COL10A1: variants seen among roughly 807,000 people sequenced by gnomAD.
COL10A1 encodes the protein collagen type X alpha 1 chain, also known as collagen alpha-1(X) chain.
In COL10A1, 10 loss-of-function variants were observed where a neutral mutation model predicts 18.2. That is an observed-to-expected ratio of 0.55 (90% CI 0.34 to 0.93). The LOEUF is 0.93. Ranked by LOEUF, COL10A1 falls within the 40% of genes least tolerant of loss-of-function variation. COL10A1 has a pLI of 0.02. For missense variants in COL10A1, 897 were observed against 853.5 expected (o/e 1.05, Z -0.64); for synonymous variants, 330 against 316.6 (o/e 1.04, Z -0.45).
upstream of COL10A1, among the ~76,000 whole-genome samples, chr6:116,160,943 G>A (rs372108081): frequency 4.9e-3 from 744 of 151,758 alleles, 12 homozygotes; most frequent in South Asian, 0.038. Flanking sequence ...AACCAACCCA[G>A]ATGTCCAACA....
At chr6:116,122,364 G>A (rs1779156707) in intron 2 of COL10A1, among the ~76,000 whole-genome samples, 1 of 152,144 alleles carries the variant, frequency 6.6e-6, no homozygotes, top group African/African-American at 2.4e-5. Context: ...CCCTCCCAAA[G>A]CTACCCTGTC....
the COL10A1 span, among the ~76,000 whole-genome samples, chr6:116,212,176 C>T: frequency 6.6e-6 from 1 of 152,034 alleles, no homozygotes; most frequent in African/African-American, 2.4e-5. Context: ...TAAAATCTCA[C>T]TGATTTGAAA....
At chr6:116,199,132 C>T in the COL10A1 span, among the ~76,000 whole-genome samples, 4 of 151,974 alleles carry the variant, frequency 2.6e-5, no homozygotes, top group African/African-American at 9.7e-5. Flanking sequence ...GGAGCTAAAT[C>T]ACCCTCAGTC....
At chr6:116,175,108 A>G in the COL10A1 span, among the ~76,000 whole-genome samples, 4 of 152,174 alleles carry the variant, frequency 2.6e-5, no homozygotes, top group African/African-American at 9.7e-5. Flanking sequence ...TATAATTTAT[A>G]TACAATAAAA....
At chr6:116,188,299 A>C in the COL10A1 span, among the ~76,000 whole-genome samples, 1 of 152,068 alleles carries the variant, frequency 6.6e-6, no homozygotes, top group African/African-American at 2.4e-5. Flanking sequence ...TATAAAGTTG[A>C]AAGTGAGCAT....
chr6:116,138,564 C>T lies in COL10A1; in HGVS notation c.-15-13057G>A, dbSNP rs543525173. On this transcript the variant is annotated intron_variant, in intron 1 of 1. Coordinates refer to the COL10A1 transcript ENST00000418500. The stretch of plus-strand genomic sequence containing the variant: ...GAAGCTAATTGAAAAGCAAATAGTG[C>T]GAATGTCGATATATTTGTTTTTATT... 4.6e-5 allele frequency among the ~76,000 whole-genome samples: 7 copies of T among 151,940 alleles called. No individual in the cohort carries two copies. The South Asian group carries it at 8.3e-4, about 18-fold the overall frequency.
At chr6:116,135,900 G>A (rs1010213750) in intron 1 of COL10A1, among the ~76,000 whole-genome samples, 1 of 130,888 alleles carries the variant, frequency 7.6e-6, no homozygotes, top group African/African-American at 2.9e-5. Flanking sequence ...TTGCTAAATG[G>A]TTACCACAAT....
At chr6:116,216,225 C>G in the COL10A1 span, among the ~76,000 whole-genome samples, 1 of 152,070 alleles carries the variant, frequency 6.6e-6, no homozygotes, top group East Asian at 1.9e-4. Context: ...AATAAAGATA[C>G]TATAAAATTC....
chr6:116,182,746 TTGCTGATA>T, the COL10A1 span, among the ~76,000 whole-genome samples: 1,400 of 152,246 alleles, frequency 9.2e-3, 17 homozygotes, highest in African/African-American at 0.031. Flanking sequence ...TGTTTTTTTC[TTGCTGATA>T]TGTTTGAGTT....
the COL10A1 span, among the ~76,000 whole-genome samples, chr6:116,181,292 G>A: frequency 6.6e-6 from 1 of 151,844 alleles, no homozygotes; most frequent in Non-Finnish European, 1.5e-5. Context: ...ATGTAATATA[G>A]ATACAAAAGG....
chr6:116,120,189 C>G lies in COL10A1; in HGVS notation c.1927G>C (p.Asp643His), dbSNP rs201121404. 1.2e-5 allele frequency: 20 copies of G among 1,613,956 alleles called. No individual in the cohort carries two copies. The highest frequency in any genetic ancestry group is 6.6e-5 in the South Asian group (6 of 91,078). Residue 643 changes from aspartate to histidine, a missense_variant, in exon 3 of 3, where the codon GAT becomes CAT. Physicochemically the swap from Asp to His is moderately conservative, Grantham distance 81. Transcript: ENST00000651968. Reference protein sequence around the residue: ...LDQASGSAIIDLTENDQVWLQ... With the variant: ...LDQASGSAIIHLTENDQVWLQ... Reference sequence around the variant, plus strand: ...CACACCTGGTCATTTTCTGTGAGATCGATGATGGCACTCCCTGAAGCCTGA... The same window carrying G: ...CACACCTGGTCATTTTCTGTGAGATGGATGATGGCACTCCCTGAAGCCTGA...
the COL10A1 span, among the ~76,000 whole-genome samples, chr6:116,209,682 G>A: frequency 1.3e-5 from 2 of 151,716 alleles, no homozygotes; most frequent in South Asian, 2.1e-4. Context: ...AATTTTAGAC[G>A]TTTATTTGGG....
intron 1 of COL10A1, among the ~76,000 whole-genome samples, chr6:116,140,804 A>G (rs112793386): frequency 1.3e-5 from 2 of 152,170 alleles, no homozygotes; most frequent in African/African-American, 2.4e-5. Flanking sequence ...GTCCATACTG[A>G]TGTGTGGGGC....
intron 1 of COL10A1, among the ~76,000 whole-genome samples, chr6:116,154,816 G>C (rs192998727): frequency 6.6e-6 from 1 of 152,282 alleles, no homozygotes; most frequent in East Asian, 1.9e-4. Flanking sequence ...CTTAGCAGAG[G>C]CATCTTGTTA....
the COL10A1 span, among the ~76,000 whole-genome samples, chr6:116,178,086 TGTGCGCGC>T: frequency 3.9e-4 from 30 of 77,582 alleles, no homozygotes; most frequent in Non-Finnish European, 7.0e-4. Context: ...TGTGTGTGTG[TGTGCGCGC>T]GCGCGCGCGT....
Position 116,121,921 on chromosome 6 carries a change from T to A in COL10A1, c.195A>T (p.Pro65=). 4 of 1,613,754 alleles carry A rather than the reference T, an allele frequency of 2.5e-6. No individual in the cohort carries two copies. The highest frequency in any genetic ancestry group is 3.4e-6 in the Non-Finnish European group (4 of 1,180,016). ...VRGEQGTPGP[P]GPAGPRGHPG... ...GGTGCCCTCGAGGTCCAGCAGGGCC[T>A]GGTGGACCAGGAGTACCTTGCTCTC... Residue 65 remains proline, a synonymous_variant, in exon 3 of 3, where the codon CCA becomes CCT. Transcript: ENST00000651968.
At chr6:116,167,374 G>A in the COL10A1 span, among the ~76,000 whole-genome samples, 3,960 of 151,752 alleles carry the variant, frequency 0.026, 155 homozygotes, top group African/African-American at 0.09. Context: ...CACCACTGCC[G>A]GCTAATTTTT....
chr6:116,189,416 T>A, the COL10A1 span, among the ~76,000 whole-genome samples: 16 of 151,986 alleles, frequency 1.1e-4, no homozygotes, highest in East Asian at 2.9e-3. Context: ...CATTTTATTC[T>A]GATTTTCTTT....
intron 1 of COL10A1, chr6:116,125,802 A>G (rs776187711): frequency 2.5e-4 from 62 of 246,618 alleles, no homozygotes; most frequent in Non-Finnish European, 3.6e-4. Flanking sequence ...GATCTTTGAC[A>G]TAGCCTGAAA....
Sources: allele counts gnomAD v4.1 joint callset (sites outside exome capture counted in the v4.1 genomes callset), GRCh38; gene constraint gnomAD v4.1.1; transcripts MANE v1.5; gene names NCBI Gene and HGNC (gene_info 2026-07-23, HGNC 2026-07-21).